CACNA2D3: variants seen among roughly 807,000 people sequenced by gnomAD.
CACNA2D3 encodes the protein voltage-dependent calcium channel subunit alpha-2/delta-3.
Under a neutral mutation model 160.6 loss-of-function variants are expected in CACNA2D3, and 60 were observed. The observed-to-expected ratio is 0.37, with a 90% CI of 0.30 to 0.46. The LOEUF is 0.46. Ranked by LOEUF, CACNA2D3 falls within the 20% of genes least tolerant of loss-of-function variation. The pLI is 1.00. For missense variants in CACNA2D3, 1,205 were observed against 1,365.0 expected, an observed-to-expected ratio of 0.88 and a Z score of 1.85; for synonymous variants, 558 against 492.9, an observed-to-expected ratio of 1.13 and a Z score of -1.75.
chr3:54,831,958 C>A (rs1703887078), intron 14 of CACNA2D3, among the ~76,000 whole-genome samples: 1 of 150,530 alleles, frequency 6.6e-6, no homozygotes, highest in Admixed American at 6.6e-5. Flanking sequence ...AGGTACCCTC[C>A]CGCCCTTTCC....
rs1309789144 is a variant in CACNA2D3, at chr3:54,972,133, A to C, written c.2556+2289A>C. On this transcript the variant is annotated intron_variant, in intron 29 of 37. Transcript: ENST00000474759. ...AGTTTCCCCTGGGCATAGTAAGCAC[A>C]GGCTACGACCTCTTGCTCACTGCTA... 3.3e-5 allele frequency among the ~76,000 whole-genome samples: 5 copies of C among 152,238 alleles called. No homozygotes were observed. The East Asian group carries it at 9.6e-4, about 29-fold the overall frequency.
chr3:54,382,640 C>G (rs568057150), intron 3 of CACNA2D3, among the ~76,000 whole-genome samples: 1 of 152,100 alleles, frequency 6.6e-6, no homozygotes, highest in African/African-American at 2.4e-5. Flanking sequence ...AAAAATTAGC[C>G]GGGAGTGATG....
intron 4 of CACNA2D3, among the ~76,000 whole-genome samples, chr3:54,421,545 T>C (rs1489084526): frequency 3.3e-5 from 5 of 152,156 alleles, no homozygotes; most frequent in Middle Eastern, 3.4e-3. Flanking sequence ...TGTCTGCGGA[T>C]GGGATTCTAT....
intron 13 of CACNA2D3, among the ~76,000 whole-genome samples, chr3:54,776,983 C>A (rs1702437364): frequency 1.3e-5 from 2 of 152,210 alleles, no homozygotes; most frequent in Admixed American, 1.3e-4. Context: ...AGAGCTGATT[C>A]TCATGCTTTG....
At chr3:54,237,041 C>A (rs913903452) in intron 2 of CACNA2D3, among the ~76,000 whole-genome samples, 7 of 150,512 alleles carry the variant, frequency 4.7e-5, no homozygotes, top group Non-Finnish European at 1.0e-4. Context: ...AAAACACATT[C>A]CATTAAGGGA....
intron 4 of CACNA2D3, among the ~76,000 whole-genome samples, chr3:54,472,988 C>A (rs1700763061): frequency 6.6e-6 from 1 of 152,154 alleles, no homozygotes; most frequent in Non-Finnish European, 1.5e-5. Flanking sequence ...GCGCTGTCCC[C>A]ATCAAGCTAC....
At chr3:54,155,390 G>A (rs1700228753) in intron 2 of CACNA2D3, among the ~76,000 whole-genome samples, 1 of 152,188 alleles carries the variant, frequency 6.6e-6, no homozygotes, top group Non-Finnish European at 1.5e-5. Context: ...TCTGGTGGCT[G>A]CAGAAAGGGA....
chr3:54,600,990 G>A (rs1394887979), intron 9 of CACNA2D3, among the ~76,000 whole-genome samples: 3 of 152,090 alleles, frequency 2.0e-5, no homozygotes, highest in Non-Finnish European at 2.9e-5. Context: ...TGTGCCCAAA[G>A]TCTTGCAATC....
intron 11 of CACNA2D3, among the ~76,000 whole-genome samples, chr3:54,729,832 T>C (rs1031789242): frequency 2.0e-5 from 3 of 151,944 alleles, no homozygotes; most frequent in Non-Finnish European, 4.4e-5. Context: ...ACCCCATCTC[T>C]ACTAAAAATA....
intron 9 of CACNA2D3, among the ~76,000 whole-genome samples, chr3:54,593,907 CT>C (rs1224115720): frequency 6.6e-6 from 1 of 152,162 alleles, no homozygotes; most frequent in Non-Finnish European, 1.5e-5. Flanking sequence ...CACAAGTGAT[CT>C]AGGGACTGTT....
Position 54,622,376 on chromosome 3 carries a change from C to T in CACNA2D3, c.964-5411C>T, listed in dbSNP as rs192061596. ...CTGCAAGCTCTGCCTCCCGGGTTCA[C>T]GCCATTCTTCTGCCTCAGCCTCCCG... On this transcript the variant is annotated intron_variant, in intron 9 of 37. Transcript: ENST00000474759. Among the ~76,000 whole-genome samples the T allele has an allele frequency of 2.7e-4, 41 of 152,218 alleles. 1 individual carries two copies. In the East Asian group the frequency reaches 4.9e-3, roughly 18 times the overall value.
Position 55,020,831 on chromosome 3 carries a change from C to T in CACNA2D3, c.2987+2514C>T, listed in dbSNP as rs367551506. On this transcript the variant is annotated intron_variant, in intron 35 of 37. Transcript: ENST00000474759. ...TCAGCACTGCACTCCAGCCCGGCAA[C>T]AGAGCTAGATTCCGTCTCAAAAAAA... is the stretch of plus-strand genomic sequence containing the variant. Among the ~76,000 whole-genome samples the T allele has an allele frequency of 3.3e-5, 5 of 150,262 alleles. No homozygotes were observed. The East Asian group carries it at 7.8e-4, about 23-fold the overall frequency.
At chr3:54,302,794 G>A (rs1020241737) in intron 2 of CACNA2D3, among the ~76,000 whole-genome samples, 1 of 151,618 alleles carries the variant, frequency 6.6e-6, no homozygotes, top group Admixed American at 6.6e-5. Flanking sequence ...TCCTCCATCC[G>A]GTTGTACACG....
intron 4 of CACNA2D3, among the ~76,000 whole-genome samples, chr3:54,476,884 A>G (rs1198587448): frequency 1.3e-5 from 2 of 152,216 alleles, no homozygotes; most frequent in Non-Finnish European, 2.9e-5. Flanking sequence ...TAAGACATCA[A>G]TAACTTTATT....
rs1702176045 is a variant in CACNA2D3 at position 54,967,291 on chromosome 3, G to A, written c.2450-1159G>A. The stretch of plus-strand genomic sequence containing the variant: ...GGTAACAACAGCCCAAGACCTTTAT[G>A]AATCTCCAAGTTCCTGAAGCCAGCA... On this transcript the variant is annotated intron_variant, in intron 27 of 37. Transcript: ENST00000474759. Among the ~76,000 whole-genome samples, 3 of 152,180 alleles carry A rather than the reference G, an allele frequency of 2.0e-5. No individual in the cohort carries two copies. In the South Asian group the frequency reaches 6.2e-4, roughly 32 times the overall value.
intron 3 of CACNA2D3, among the ~76,000 whole-genome samples, chr3:54,347,969 C>T (rs1698488324): frequency 6.6e-6 from 1 of 152,092 alleles, no homozygotes; most frequent in South Asian, 2.1e-4. Context: ...TCGAAGCAGG[C>T]CCATATACAG....
chr3:54,405,026 A>G (rs1699547760), intron 4 of CACNA2D3, among the ~76,000 whole-genome samples: 1 of 151,936 alleles, frequency 6.6e-6, no homozygotes, highest in Non-Finnish European at 1.5e-5. Context: ...ACACAAATAG[A>G]AAGATATTTC....
chr3:54,524,905 T>A (rs1264371510), intron 5 of CACNA2D3, among the ~76,000 whole-genome samples: 2 of 152,098 alleles, frequency 1.3e-5, no homozygotes, highest in African/African-American at 4.8e-5. Flanking sequence ...AGTGTTTCTC[T>A]TATAGATAAC....
At chr3:54,956,143 G>T (rs971217226) in intron 27 of CACNA2D3, among the ~76,000 whole-genome samples, 1 of 152,164 alleles carries the variant, frequency 6.6e-6, no homozygotes, top group Non-Finnish European at 1.5e-5. Context: ...GGCCAGGTCT[G>T]CTGCAGCTGA....
Sources: gnomAD v4.1 joint callset for allele counts (sites outside exome capture counted in the v4.1 genomes callset) on GRCh38, gnomAD v4.1.1 for gene constraint, MANE v1.5 for transcripts, NCBI Gene and HGNC (gene_info 2026-07-23, HGNC 2026-07-21) for gene names.